Variants in CNNM2 observed in about 807,000 individuals in gnomAD.
The protein encoded by CNNM2 is metal transporter CNNM2.
Under a neutral mutation model 66.9 loss-of-function variants are expected in CNNM2, and 12 were observed. That is an observed-to-expected ratio of 0.18 (90% confidence interval 0.11 to 0.29). The LOEUF is 0.29. CNNM2 is among the 10% of genes least tolerant of loss of function. The probability of loss-of-function intolerance (pLI) is 1.00; values close to 1 mark genes in which losing one functional copy is unlikely to be tolerated. For synonymous variants in CNNM2, 557 were observed against 501.8 expected (o/e 1.11, Z -1.47); for missense variants, 705 against 1,167.7 (o/e 0.60, Z 5.77).
chr10:102,935,958 A>G (rs1010149578), intron 1 of CNNM2, among the ~76,000 whole-genome samples: 4 of 151,408 alleles, frequency 2.6e-5, no homozygotes, highest in African/African-American at 9.7e-5. Flanking sequence ...CCAGGTGACC[A>G]GAAGAGACAA....
intron 1 of CNNM2, among the ~76,000 whole-genome samples, chr10:102,949,716 G>C (rs1378254706): frequency 2.0e-5 from 3 of 152,074 alleles, no homozygotes; most frequent in Non-Finnish European, 2.9e-5. Flanking sequence ...CTTGAATCTG[G>C]AGGGCGGAGG....
At chr10:103,038,335 A>G (rs978133097) in intron 1 of CNNM2, among the ~76,000 whole-genome samples, 3 of 152,186 alleles carry the variant, frequency 2.0e-5, no homozygotes, top group African/African-American at 4.8e-5. Flanking sequence ...CAACCAGTCA[A>G]TTTTAAAATA....
chr10:103,006,099 G>A (rs2064220816), intron 1 of CNNM2, among the ~76,000 whole-genome samples: 1 of 152,184 alleles, frequency 6.6e-6, no homozygotes, highest in South Asian at 2.1e-4. Flanking sequence ...TTTGGGACCT[G>A]CAGTTGAATA....
chr10:103,048,279 A>C (rs920814273), intron 1 of CNNM2, among the ~76,000 whole-genome samples: 30 of 130,182 alleles, frequency 2.3e-4, no homozygotes, highest in Non-Finnish European at 3.3e-4. Flanking sequence ...GCAGTGGCAC[A>C]ATCTCGGCTC....
In CNNM2 at chr10:102,965,624, A is replaced by T. The variant is rs191412188; in HGVS notation, c.1621+45523A>T. ...TTACTGTTTTCATGCTTGTTTTTCT[A>T]AAGTCTTGAGTCAGCGTCTTTATCC... On this transcript the variant is annotated intron_variant, in intron 1 of 7. Transcript: ENST00000369878. Among the ~76,000 whole-genome samples, 47 of 152,234 alleles carry T rather than the reference A, an allele frequency of 3.1e-4. No homozygotes were observed. In the East Asian group the frequency reaches 9.1e-3, roughly 29 times the overall value.
intron 1 of CNNM2, among the ~76,000 whole-genome samples, chr10:103,046,663 C>T (rs1564859526): frequency 1.3e-5 from 2 of 152,134 alleles, no homozygotes; most frequent in African/African-American, 4.8e-5. Flanking sequence ...CTAAAACAAA[C>T]AGTAGAAGAG....
intron 1 of CNNM2, among the ~76,000 whole-genome samples, chr10:103,015,086 A>G (rs2064416635): frequency 6.6e-6 from 1 of 152,210 alleles, no homozygotes; most frequent in South Asian, 2.1e-4. Flanking sequence ...CATGAGTGTA[A>G]TGGTTACAAA....
At chr10:103,016,355 C>T (rs1019080238) in intron 1 of CNNM2, among the ~76,000 whole-genome samples, 28 of 151,880 alleles carry the variant, frequency 1.8e-4, no homozygotes, top group African/African-American at 5.8e-4. Context: ...AAAATCTTTT[C>T]AATATTTCAA....
Position 102,919,836 on chromosome 10 carries a change from A to C in CNNM2, c.1356A>C (p.Pro452=). 10 of 1,614,070 alleles carry C rather than the reference A, an allele frequency of 6.2e-6. No individual in the cohort carries two copies. Among genetic ancestry groups the C allele is most frequent in the Non-Finnish European group, 8.5e-6 (10 of 1,179,996 alleles). Residue 452 remains proline, a synonymous_variant, in exon 1 of 8, where the codon CCA becomes CCC. Transcript: ENST00000369878. ...RTKTVEDVMT[P]LRDCFMITGE... ...AGACGGTGGAGGACGTGATGACCCC[A>C]CTCCGGGACTGCTTCATGATCACCG...
rs61870830 is a variant in CNNM2, at chr10:102,945,005, A to G, written c.1621+24904A>G. Among the ~76,000 whole-genome samples, 7,352 of 150,398 alleles carry G rather than the reference A, an allele frequency of 0.049. 251 individuals carry two copies. The highest frequency in any genetic ancestry group is 0.076 in the Middle Eastern group (22 of 290). Reference sequence around the variant, plus strand: ...TTTTTTTTTTTGGCAAGAATACCACATAGTAAAAAGTACCTTCTTCCCTTA... The same window carrying G: ...TTTTTTTTTTTGGCAAGAATACCACGTAGTAAAAAGTACCTTCTTCCCTTA... On this transcript the variant is annotated intron_variant, in intron 1 of 7. Coordinates refer to ENST00000369878, the MANE Select transcript of CNNM2 (RefSeq NM_017649.5).
chr10:103,031,637 A>G (rs901542896), intron 1 of CNNM2, among the ~76,000 whole-genome samples: 6 of 152,314 alleles, frequency 3.9e-5, no homozygotes, highest in African/African-American at 1.4e-4. Flanking sequence ...GCCTGGTAGA[A>G]AGACTTGCAT....
At chr10:102,989,228 A>G (rs1049030834) in intron 1 of CNNM2, among the ~76,000 whole-genome samples, 10 of 152,292 alleles carry the variant, frequency 6.6e-5, no homozygotes, top group Admixed American at 2.0e-4. Context: ...AGCAGGGGAA[A>G]CTTTCATTAT....
Position 102,926,840 on chromosome 10 carries a change from C to T in CNNM2, c.1621+6739C>T, listed in dbSNP as rs1314907189. On this transcript the variant is annotated intron_variant, in intron 1 of 7. Coordinates refer to ENST00000369878, the MANE Select transcript of CNNM2 (RefSeq NM_017649.5). ...ATGCCATTCTCATGCCTCAGCTTCC[C>T]GAGAAGCTGGGATTACAGGCACCCG... 4.6e-5 allele frequency among the ~76,000 whole-genome samples: 7 copies of T among 151,642 alleles called. No homozygotes were observed. The East Asian group carries it at 1.4e-3, about 29-fold the overall frequency.
chr10:103,046,180 A>G (rs1402213328), intron 1 of CNNM2, among the ~76,000 whole-genome samples: 2 of 152,234 alleles, frequency 1.3e-5, no homozygotes, highest in African/African-American at 4.8e-5. Context: ...CTGGCTTTAA[A>G]GATAAGGAAG....
rs1242738743 is a variant in CNNM2 at position 103,083,752 on chromosome 10, A to ATTGGCTG, written c.*6572_*6573insTTGGCTG. The ATTGGCTG allele has an allele frequency of 6.6e-6, 1 of 152,212 alleles. No individual in the cohort carries two copies. The highest frequency in any genetic ancestry group is 1.5e-5 in the Non-Finnish European group (1 of 68,048). 9.4% of individuals were successfully genotyped at this position (152,212 alleles called of 1,614,324 possible). A position where few individuals can be genotyped will look rare whatever the true frequency, so the allele number is the denominator to read the frequency against. ...TGGCTGCTCAGTCACTAATAACAACACACAGTGCCGCTGGGCTAAGCCGGC... is the reference window on the plus strand; with the variant it reads ...TGGCTGCTCAGTCACTAATAACAACATTGGCTGCACAGTGCCGCTGGGCTAAGCCGGC... On this transcript the variant is annotated 3_prime_UTR_variant, in exon 8 of 8. Coordinates refer to ENST00000369878, the MANE Select transcript of CNNM2 (RefSeq NM_017649.5).
rs149619000 is a variant in CNNM2, at chr10:103,015,288, T to C, written c.1622-34419T>C. Among the ~76,000 whole-genome samples the C allele has an allele frequency of 3.5e-3, 537 of 152,276 alleles. 1 individual carries two copies. The highest frequency in any genetic ancestry group is 0.011 in the Admixed American group (167 of 15,296). Reference sequence around the variant, plus strand: ...TTATTTATTGGGCTAAGCTCTTTCATAGTGGTGGGATTGTCCAAGCCTGTA... The same window carrying C: ...TTATTTATTGGGCTAAGCTCTTTCACAGTGGTGGGATTGTCCAAGCCTGTA... On this transcript the variant is annotated intron_variant, in intron 1 of 7. Transcript: ENST00000369878.
At chr10:103,032,871 A>G (rs1005885770) in intron 1 of CNNM2, among the ~76,000 whole-genome samples, 1 of 151,678 alleles carries the variant, frequency 6.6e-6, no homozygotes, top group African/African-American at 2.4e-5. Context: ...TAATCCCAAC[A>G]CTTTGGGAGG....
intron 1 of CNNM2, among the ~76,000 whole-genome samples, chr10:102,994,574 C>G (rs191960828): frequency 1.1e-3 from 169 of 152,308 alleles, no homozygotes; most frequent in Non-Finnish European, 1.7e-3. Flanking sequence ...AAAATAGCTG[C>G]CAGTTGGGGT....
At chr10:103,062,589 T>G (rs1367749626) in intron 4 of CNNM2, among the ~76,000 whole-genome samples, 4 of 152,162 alleles carry the variant, frequency 2.6e-5, no homozygotes, top group African/African-American at 4.8e-5. Context: ...CAAAACAAAC[T>G]ATCAAATGAA....
Sources: allele counts gnomAD v4.1 joint callset (sites outside exome capture counted in the v4.1 genomes callset), GRCh38; gene constraint gnomAD v4.1.1; transcripts MANE v1.5; gene names NCBI Gene and HGNC (gene_info 2026-07-23, HGNC 2026-07-21).